Variants in STK32A observed in about 807,000 individuals in gnomAD.
STK32A encodes the protein serine/threonine-protein kinase 32A.
A neutral mutation model predicts 53.2 loss-of-function variants in STK32A; 41 were observed. That is an observed-to-expected ratio of 0.77 (90% CI 0.60 to 1.00). The LOEUF is 1.00. Among genes scored for constraint, STK32A ranks in the 50% least tolerant of loss-of-function variants. The pLI, the probability that STK32A is intolerant of heterozygous loss-of-function variation, is 0.00. For synonymous variants in STK32A, 166 were observed against 162.8 expected, an observed-to-expected ratio of 1.02 and a Z score of -0.15; for missense variants, 458 against 485.8, an observed-to-expected ratio of 0.94 and a Z score of 0.54.
In STK32A at chr5:147,335,033, A is replaced by G. The variant is rs549357335; in HGVS notation, c.435-7973A>G. Among the ~76,000 whole-genome samples the G allele has an allele frequency of 7.2e-5, 11 of 152,314 alleles. No individual in the cohort carries two copies. The South Asian group carries it at 2.1e-3, about 29-fold the overall frequency. On this transcript the variant is annotated intron_variant, in intron 5 of 12. Transcript: ENST00000397936. ...ATTAACAATAACTAATAATAGAACAATTATAACAATATGCAGAGTAAAAGT... is the reference window on the plus strand; with the variant it reads ...ATTAACAATAACTAATAATAGAACAGTTATAACAATATGCAGAGTAAAAGT...
At chr5:147,314,890 A>T (rs1176917985) in intron 4 of STK32A, among the ~76,000 whole-genome samples, 1 of 151,920 alleles carries the variant, frequency 6.6e-6, no homozygotes, top group African/African-American at 2.4e-5. Context: ...GACTGCAGGC[A>T]TGTGCCACCG....
chr5:147,249,531 A>C (rs1237968266), intron 2 of STK32A, among the ~76,000 whole-genome samples: 1 of 152,006 alleles, frequency 6.6e-6, no homozygotes, highest in Non-Finnish European at 1.5e-5. Flanking sequence ...GAATTTTCTG[A>C]TCTGTGAAAT....
In STK32A at chr5:147,383,439, A is replaced by G. The variant is rs1485784071; in HGVS notation, c.1033-2A>G. On this transcript the variant is annotated splice_acceptor_variant, in intron 11 of 12. Transcript: ENST00000397936. LOFTEE classifies it high-confidence loss of function. ...TATTTTTTTTCTACGTTCACCTGGA[A>G]GACATGTCTTCTTCAAGAGCACCTT... is the stretch of plus-strand genomic sequence containing the variant. 1 of 1,594,214 alleles carries G rather than the reference A, an allele frequency of 6.3e-7. No individual in the cohort carries two copies. Among genetic ancestry groups the G allele is most frequent in the Non-Finnish European group, 8.5e-7 (1 of 1,169,646 alleles).
intron 2 of STK32A, among the ~76,000 whole-genome samples, chr5:147,267,951 T>C (rs2151949918): frequency 6.6e-6 from 1 of 152,300 alleles, no homozygotes; most frequent in Admixed American, 6.5e-5. Context: ...CCTATAAACA[T>C]CTGCAGACTA....
chr5:147,354,324 T>C (rs1027246396), intron 7 of STK32A, among the ~76,000 whole-genome samples: 4 of 152,340 alleles, frequency 2.6e-5, no homozygotes, highest in African/African-American at 9.6e-5. Context: ...GCTATTTTCT[T>C]GGAACCAAAT....
rs959338305 is a variant in STK32A, at chr5:147,349,689, A to C, written c.473-1376A>C. ...CATTTAGTCTACTCCTTCTTTTTTTATGTGAAGGAAAATTTAGATCCACCT... is the reference window on the plus strand; with the variant it reads ...CATTTAGTCTACTCCTTCTTTTTTTCTGTGAAGGAAAATTTAGATCCACCT... On this transcript the variant is annotated intron_variant, in intron 6 of 12. Transcript: ENST00000397936. Among the ~76,000 whole-genome samples, 6 of 152,170 alleles carry C rather than the reference A, an allele frequency of 3.9e-5. No homozygotes were observed. In the East Asian group the frequency reaches 9.7e-4, roughly 25 times the overall value.
chr5:147,381,748 C>G (rs1757463573), intron 11 of STK32A, among the ~76,000 whole-genome samples: 1 of 151,922 alleles, frequency 6.6e-6, no homozygotes, highest in Admixed American at 6.6e-5. Flanking sequence ...GGGGCTCATG[C>G]CTTTCAGCTA....
chr5:147,269,884 G>A (rs1754956670), intron 2 of STK32A, among the ~76,000 whole-genome samples: 1 of 152,186 alleles, frequency 6.6e-6, no homozygotes, highest in African/African-American at 2.4e-5. Context: ...TGGCGTGACT[G>A]CATACAGGGA....
At chr5:147,341,041 G>A (rs111474155) in intron 5 of STK32A, among the ~76,000 whole-genome samples, 30 of 152,308 alleles carry the variant, frequency 2.0e-4, no homozygotes, top group African/African-American at 7.2e-4. Flanking sequence ...TAAGAAAAAT[G>A]GTGCTCAGGG....
downstream of STK32A, among the ~76,000 whole-genome samples, chr5:147,388,687 T>C (rs1460588818): frequency 1.1e-4 from 16 of 152,300 alleles, no homozygotes; most frequent in Non-Finnish European, 4.4e-5. Context: ...AGAAAGTTAT[T>C]TGGAACCAGA....
chr5:147,290,614 T>C (rs1170653724), intron 4 of STK32A, among the ~76,000 whole-genome samples: 1 of 152,146 alleles, frequency 6.6e-6, no homozygotes, highest in Non-Finnish European at 1.5e-5. Flanking sequence ...TACTCATGTC[T>C]TTGTCCCTGT....
intron 8 of STK32A, among the ~76,000 whole-genome samples, chr5:147,364,568 T>C (rs1756661223): frequency 6.6e-6 from 1 of 152,172 alleles, no homozygotes. Context: ...ACAGAATTGG[T>C]GGCTTAGGCA....
At chr5:147,380,206 T>A (rs1311709180) in intron 11 of STK32A, among the ~76,000 whole-genome samples, 2 of 152,160 alleles carry the variant, frequency 1.3e-5, no homozygotes, top group Non-Finnish European at 2.9e-5. Context: ...AATCTTGGGG[T>A]AAAAGTGTTG....
intron 4 of STK32A, among the ~76,000 whole-genome samples, chr5:147,316,266 T>A (rs1460963143): frequency 6.6e-6 from 1 of 152,194 alleles, no homozygotes; most frequent in Non-Finnish European, 1.5e-5. Context: ...ACTGAAAGCA[T>A]TATTATGAAA....
At chr5:147,303,286 G>T (rs1169966756) in intron 4 of STK32A, among the ~76,000 whole-genome samples, 1 of 152,170 alleles carries the variant, frequency 6.6e-6, no homozygotes, top group African/African-American at 2.4e-5. Context: ...TGGCCAGGAA[G>T]TTCTTCCAGT....
At chr5:147,309,070 G>A (rs1753563042) in intron 4 of STK32A, among the ~76,000 whole-genome samples, 1 of 152,026 alleles carries the variant, frequency 6.6e-6, no homozygotes, top group African/African-American at 2.4e-5. Flanking sequence ...CAACTGAGAG[G>A]AAGAAATTGG....
At chr5:147,250,511 C>G (rs1428968902) in intron 2 of STK32A, among the ~76,000 whole-genome samples, 3 of 152,176 alleles carry the variant, frequency 2.0e-5, no homozygotes, top group African/African-American at 7.2e-5. Flanking sequence ...ATGTTGAATG[C>G]TTCTGTGTGA....
At chr5:147,297,179 C>T (rs1752906746) in intron 4 of STK32A, among the ~76,000 whole-genome samples, 1 of 152,052 alleles carries the variant, frequency 6.6e-6, no homozygotes, top group Non-Finnish European at 1.5e-5. Context: ...AAAGACAGCT[C>T]AAAGAAACAA....
At chr5:147,245,740 G>A (rs920805383) in intron 2 of STK32A, among the ~76,000 whole-genome samples, 4 of 152,208 alleles carry the variant, frequency 2.6e-5, no homozygotes, top group Admixed American at 6.5e-5. Context: ...CTGCTCTAAA[G>A]AGTTCATCAA....
Sources: allele counts gnomAD v4.1 joint callset (sites outside exome capture counted in the v4.1 genomes callset), GRCh38; gene constraint gnomAD v4.1.1; transcripts MANE v1.5; gene names NCBI Gene and HGNC (gene_info 2026-07-23, HGNC 2026-07-21).